The following KAT6B variants were observed in gnomAD, a reference collection of about 807,000 sequenced individuals.
KAT6B encodes the protein histone acetyltransferase KAT6B.
Under a neutral mutation model 187.5 loss-of-function variants are expected in KAT6B, and 10 were observed. That is an observed-to-expected ratio of 0.05 (90% CI 0.03 to 0.09). The LOEUF is 0.09. Ranked by LOEUF, KAT6B falls within the 10% of genes least tolerant of loss-of-function variation. KAT6B has a pLI of 1.00. For synonymous variants in KAT6B, 861 were observed against 926.8 expected (o/e 0.93, Z 1.29); for missense variants, 1,952 against 2,558.9 (o/e 0.76, Z 5.12).
chr10:75,017,419 G>A (rs1467467842), intron 13 of KAT6B, among the ~76,000 whole-genome samples: 6 of 152,120 alleles, frequency 3.9e-5, no homozygotes, highest in Non-Finnish European at 7.4e-5. Context: ...TTCGAGACCA[G>A]CCTGGGCAAA....
intron 1 of KAT6B, among the ~76,000 whole-genome samples, chr10:74,831,087 C>T (rs1021260995): frequency 5.9e-5 from 9 of 151,964 alleles, no homozygotes; most frequent in Non-Finnish European, 1.0e-4. Context: ...CTGCACCCGG[C>T]CAGCTCTTCA....
intron 12 of KAT6B, among the ~76,000 whole-genome samples, chr10:74,986,649 C>T (rs1271096643): frequency 6.6e-6 from 1 of 152,056 alleles, no homozygotes; most frequent in Non-Finnish European, 1.5e-5. Flanking sequence ...AGTTAATTTG[C>T]ACATTACAAA....
chr10:74,875,123 T>C (rs551291811), intron 3 of KAT6B, among the ~76,000 whole-genome samples: 1 of 152,324 alleles, frequency 6.6e-6, no homozygotes, highest in East Asian at 1.9e-4. Flanking sequence ...TTGTATTAGA[T>C]AAATTGGGGA....
chr10:74,853,331 C>T (rs993551377), intron 3 of KAT6B, among the ~76,000 whole-genome samples: 2 of 151,588 alleles, frequency 1.3e-5, no homozygotes, highest in East Asian at 3.9e-4. Flanking sequence ...CTCTGTTGCC[C>T]AGGCTGGAGT....
intron 14 of KAT6B, 70 bp downstream of exon 14, chr10:75,020,883 G>A (rs531910465): frequency 7.8e-7 from 1 of 1,287,622 alleles, no homozygotes; most frequent in Non-Finnish European, 1.1e-6. Flanking sequence ...CTGGAGATAG[G>A]TGCATTCATT....
chr10:74,949,786 G>T lies in KAT6B; in HGVS notation c.622-10184G>T, dbSNP rs564872636. Among the ~76,000 whole-genome samples the T allele has an allele frequency of 9.9e-5, 15 of 152,172 alleles. 2 individuals carry two copies. Among genetic ancestry groups the T allele is most frequent in the African/African-American group, 3.6e-4 (15 of 41,516 alleles). On this transcript the variant is annotated intron_variant, in intron 3 of 17. Transcript: ENST00000287239. ...TTTATATCTTTTTTTGTTTCTAAATGATTTCTTTAAATGAAAAAAGAAGCG... is the reference window on the plus strand; with the variant it reads ...TTTATATCTTTTTTTGTTTCTAAATTATTTCTTTAAATGAAAAAAGAAGCG...
chr10:74,839,413 G>T (rs1200380656), intron 2 of KAT6B, among the ~76,000 whole-genome samples: 1 of 151,816 alleles, frequency 6.6e-6, no homozygotes, highest in Non-Finnish European at 1.5e-5. Flanking sequence ...TGTATTTTTA[G>T]TAGAGACGGG....
In KAT6B at chr10:75,030,636, A is replaced by G. The variant is rs1407070461; in HGVS notation, c.5812A>G (p.Thr1938Ala). 6.2e-7 allele frequency: 1 copy of G among 1,613,810 alleles called. No individual in the cohort carries two copies. ...KSASLSPAAA[T>A]HQSQIYGRSQ... is the part of the protein sequence containing the mutation. ...AGCGTCTCTGTCACCAGCCGCTGCC[A>G]CCCATCAGTCACAAATCTATGGGCG... The change falls in exon 18 of 18, where the codon ACC becomes GCC. Residue 1938 changes from threonine to alanine, a missense_variant. Thr to Ala is a moderately conservative substitution (Grantham distance 58). Coordinates refer to ENST00000287239, the MANE Select transcript of KAT6B (RefSeq NM_012330.4). This position sits in a 1 kb window ranked among gnomAD's most constrained non-coding sequence, Gnocchi z 4.8.
At chr10:74,884,767 C>T (rs142633534) in intron 3 of KAT6B, among the ~76,000 whole-genome samples, 148 of 152,196 alleles carry the variant, frequency 9.7e-4, no homozygotes, top group African/African-American at 3.5e-3. Context: ...ACAGGTTTCA[C>T]CATGTTGGTC....
intron 3 of KAT6B, among the ~76,000 whole-genome samples, chr10:74,955,685 T>C (rs931289193): frequency 2.6e-5 from 4 of 152,088 alleles, no homozygotes; most frequent in African/African-American, 9.7e-5. Context: ...TATTTCAACA[T>C]ATATCTGCTA....
chr10:74,926,582 CCATGCCTCTGCA>C (rs1212612365), intron 3 of KAT6B, among the ~76,000 whole-genome samples: 1 of 152,160 alleles, frequency 6.6e-6, no homozygotes, highest in East Asian at 1.9e-4. Context: ...TTTCTTGGGC[CCATGCCTCTGCA>C]CATGTTGGGC....
At chr10:74,867,059 A>G (rs1017511790) in intron 3 of KAT6B, among the ~76,000 whole-genome samples, 1 of 152,174 alleles carries the variant, frequency 6.6e-6, no homozygotes, top group East Asian at 1.9e-4. Flanking sequence ...TTGGTTTATC[A>G]TCATCATTAT....
intron 3 of KAT6B, among the ~76,000 whole-genome samples, chr10:74,959,062 A>AAATAAATG (rs952567831): frequency 6.6e-6 from 1 of 151,552 alleles, no homozygotes; most frequent in African/African-American, 2.4e-5. Flanking sequence ...ATAAATAAAT[A>AAATAAATG]AATAAATAAG....
chr10:74,825,087 T>C (rs1022745792), upstream of KAT6B, among the ~76,000 whole-genome samples: 3 of 152,138 alleles, frequency 2.0e-5, no homozygotes, highest in African/African-American at 7.2e-5. This position sits in a 1 kb window ranked among gnomAD's most constrained non-coding sequence, Gnocchi z 5.0. Context: ...CACTGCTCCC[T>C]CTTCCTCCCG....
In KAT6B at chr10:74,843,333, C is replaced by G; in HGVS notation, c.476C>G (p.Ala159Gly). The part of the protein sequence containing the change: ...QQRLRLGAKR[A>G]VNNGRLLKDG... ...CGGCTGCGACTGGGGGCCAAACGCG[C>G]TGTGAATAATGGGAGGTTACTGAAA... is the stretch of plus-strand genomic sequence containing the variant. Residue 159 changes from alanine to glycine, a missense_variant, in exon 3 of 18, where the codon GCT becomes GGT. Around this residue, in one of 9 missense-constraint regions of KAT6B, gnomAD observed 218 missense variants for 282.6 expected, o/e 0.77. Coordinates refer to ENST00000287239, the MANE Select transcript of KAT6B (RefSeq NM_012330.4). 6.2e-7 allele frequency: 1 copy of G among 1,613,418 alleles called. No homozygotes were observed. Among genetic ancestry groups the G allele is most frequent in the South Asian group, 1.1e-5 (1 of 91,064 alleles).
At chr10:74,974,475 T>C (rs1842034684) in intron 7 of KAT6B, among the ~76,000 whole-genome samples, 1 of 152,248 alleles carries the variant, frequency 6.6e-6, no homozygotes, top group Admixed American at 6.5e-5. Flanking sequence ...CATCTGCAAA[T>C]GTTTCTCTAT....
intron 3 of KAT6B, among the ~76,000 whole-genome samples, chr10:74,859,291 A>G (rs1052504768): frequency 1.3e-5 from 2 of 151,378 alleles, no homozygotes; most frequent in South Asian, 4.2e-4. Flanking sequence ...CACTGTGTTG[A>G]TCAGGCTGGT....
At chr10:74,871,664 T>C (rs371295194) in intron 3 of KAT6B, among the ~76,000 whole-genome samples, 9 of 152,202 alleles carry the variant, frequency 5.9e-5, no homozygotes, top group African/African-American at 2.2e-4. Flanking sequence ...ATACTCTGTC[T>C]CTACAAGAAA....
At chr10:74,931,179 G>T (rs541483304) in intron 3 of KAT6B, among the ~76,000 whole-genome samples, 1 of 152,194 alleles carries the variant, frequency 6.6e-6, no homozygotes, top group Admixed American at 6.5e-5. Flanking sequence ...TGGTAGGGGC[G>T]GTCAGTGAAG....
Sources: allele counts gnomAD v4.1 joint callset (sites outside exome capture counted in the v4.1 genomes callset), GRCh38; gene constraint gnomAD v4.1.1; regional missense constraint gnomAD v4.1.1; non-coding constraint Gnocchi (gnomAD v3.1); transcripts MANE v1.5; gene names NCBI Gene and HGNC (gene_info 2026-07-23, HGNC 2026-07-21).